FHL1: variants seen among roughly 807,000 people sequenced by gnomAD.
The protein encoded by FHL1 is four and a half LIM domains 1, also known as four and a half LIM domains protein 1.
A neutral mutation model predicts 20.3 loss-of-function variants in FHL1; 1 was observed. The observed-to-expected ratio is 0.05, with a 90% CI of 0.02 to 0.23. The LOEUF is 0.23. Ranked by LOEUF, FHL1 falls within the 10% of genes least tolerant of loss-of-function variation. FHL1 has a pLI of 1.00. For missense variants in FHL1, 177 were observed against 234.0 expected (o/e 0.76, Z 1.59); for synonymous variants, 82 against 88.9 (o/e 0.92, Z 0.44).
chrX:136,163,516 G>A (rs1019386188), intron 1 of FHL1, among the ~76,000 whole-genome samples: 2 of 112,190 alleles, frequency 1.8e-5, no homozygotes, highest in African/African-American at 3.2e-5. Context: ...AAATAGTCTG[G>A]TGTGAAGTGA....
intron 1 of FHL1, among the ~76,000 whole-genome samples, chrX:136,156,356 C>T (rs770093416): frequency 2.7e-4 from 29 of 105,639 alleles, no homozygotes; most frequent in African/African-American, 1.0e-3. Context: ...AATCATGGCT[C>T]ACTACAACCT....
chrX:136,174,606 A>G (rs1479685820), intron 2 of FHL1, among the ~76,000 whole-genome samples: 5 of 111,971 alleles, frequency 4.5e-5, no homozygotes, highest in African/African-American at 6.5e-5. Context: ...GAGAAAGAAA[A>G]AGAGATACGA....
intron 2 of FHL1, among the ~76,000 whole-genome samples, chrX:136,171,344 A>G (rs1297157932): frequency 3.6e-5 from 4 of 112,119 alleles, no homozygotes; most frequent in Non-Finnish European, 5.6e-5. Context: ...CTTTGGCTCA[A>G]GTAGGAGGCT....
intron 2 of FHL1, among the ~76,000 whole-genome samples, chrX:136,177,988 G>A (rs2073049948): frequency 2.7e-5 from 3 of 112,054 alleles, no homozygotes; most frequent in South Asian, 3.7e-4. Context: ...AACCGTGGAC[G>A]TAGAATATTT....
At chrX:136,154,416 C>A (rs1159765717) in intron 1 of FHL1, among the ~76,000 whole-genome samples, 1 of 112,370 alleles carries the variant, frequency 8.9e-6, no homozygotes, top group Admixed American at 9.4e-5. Context: ...TTTTCTCTAG[C>A]CTATGAGGCA....
upstream of FHL1, among the ~76,000 whole-genome samples, chrX:136,192,131 T>C (rs2073443160): frequency 8.9e-6 from 1 of 112,681 alleles, no homozygotes; most frequent in African/African-American, 3.2e-5. Context: ...ATTTATGTTA[T>C]ATATCTCTTT....
chrX:136,189,513 A>G (rs1025598891), intron 2 of FHL1, among the ~76,000 whole-genome samples: 3 of 111,969 alleles, frequency 2.7e-5, no homozygotes, highest in Non-Finnish European at 5.6e-5. Context: ...TAAACTTGAT[A>G]AATTCTATTT....
rs1481485839 is a variant in FHL1 at position 136,210,621 on chromosome X, C to T, written c.*596C>T. Reference sequence around the variant, plus strand: ...TAGCTGTAATTCTAAACTGACCTTTCCCCGTACTAACGTTTGGTTTCCCCG... The same window carrying T: ...TAGCTGTAATTCTAAACTGACCTTTTCCCGTACTAACGTTTGGTTTCCCCG... On this transcript the variant is annotated 3_prime_UTR_variant, in exon 6 of 6. Transcript: ENST00000370683. The T allele has an allele frequency of 2.6e-6, 1 of 390,425 alleles. No individual in the cohort carries two copies. The highest frequency in any genetic ancestry group is 4.8e-6 in the Non-Finnish European group (1 of 207,298). The allele number at this position is 390,425 out of a possible 1,213,427, so 32.2% of individuals were successfully genotyped here.
intron 2 of FHL1, among the ~76,000 whole-genome samples, chrX:136,170,277 G>A (rs1158789844): frequency 8.9e-6 from 1 of 111,862 alleles, no homozygotes; most frequent in African/African-American, 3.3e-5. Context: ...GTCGTTGCAC[G>A]AACAGTAGGG....
At chrX:136,175,698 A>C (rs2072984664) in intron 2 of FHL1, among the ~76,000 whole-genome samples, 2 of 112,400 alleles carry the variant, frequency 1.8e-5, no homozygotes. Context: ...AATATGAAAG[A>C]ATTTGTATAA....
At chrX:136,164,283 T>C (rs1456311809) in intron 1 of FHL1, among the ~76,000 whole-genome samples, 1 of 108,458 alleles carries the variant, frequency 9.2e-6, no homozygotes, top group Non-Finnish European at 1.9e-5. Context: ...CTCGGCTCAC[T>C]GCAACCTCTG....
At chrX:136,173,146 G>T (rs2072917512) in intron 2 of FHL1, among the ~76,000 whole-genome samples, 1 of 112,609 alleles carries the variant, frequency 8.9e-6, no homozygotes. Flanking sequence ...TTAGTTTACA[G>T]AATTATTTGG....
At chrX:136,169,696 C>A in exon 1 of FHL1, 1 of 311,245 alleles carries the variant, frequency 3.2e-6, no homozygotes. Context: ...GATCCACTGC[C>A]AGTGCTCATG....
intron 1 of FHL1, among the ~76,000 whole-genome samples, chrX:136,161,483 A>C (rs1025798653): frequency 1.8e-5 from 2 of 112,123 alleles, no homozygotes; most frequent in Admixed American, 9.5e-5. Flanking sequence ...GTTTTCTGAC[A>C]TACAATTTGA....
chrX:136,184,924 G>C (rs897616820), intron 2 of FHL1, among the ~76,000 whole-genome samples: 2 of 111,853 alleles, frequency 1.8e-5, no homozygotes, highest in African/African-American at 6.5e-5. Context: ...TCATAGATGA[G>C]GAAGAAAAAA....
chrX:136,160,720 G>A (rs1172573553), intron 1 of FHL1, among the ~76,000 whole-genome samples: 1 of 112,028 alleles, frequency 8.9e-6, no homozygotes. Flanking sequence ...GATCTGTTAG[G>A]TGTCCTCATT....
At position 136,207,177 on chromosome X, in the gene FHL1, G is replaced by A; in HGVS notation, c.366G>A (p.Lys122=). 1 of 1,203,997 alleles carries A rather than the reference G, an allele frequency of 8.3e-7. No individual in the cohort carries two copies. The highest frequency in any genetic ancestry group is 3.0e-5 in the East Asian group (1 of 33,635). ...EDSPKCKGCF[K]AIVAGDQNVE... is the part of the protein sequence containing the mutation. ...CCCCCAAGTGCAAGGGGTGCTTCAAGGCCATTGTGGCAGGTACTGCCTCCT... is the reference window on the plus strand; with the variant it reads ...CCCCCAAGTGCAAGGGGTGCTTCAAAGCCATTGTGGCAGGTACTGCCTCCT... The change falls in exon 3 of 6, where the codon AAG becomes AAA. Residue 122 remains lysine (K), a synonymous_variant. Transcript: ENST00000370683.
rs1417156002 is a variant in FHL1, at chrX:136,210,831, A to AATTG, written c.*809_*812dup. The AATTG allele has an allele frequency of 5.2e-6, 2 of 383,430 alleles. No individual in the cohort carries two copies. The highest frequency in any genetic ancestry group is 9.8e-6 in the Non-Finnish European group (2 of 203,993). The allele number at this position is 383,430 out of a possible 1,213,427, so 31.6% of individuals were successfully genotyped here. On this transcript the variant is annotated 3_prime_UTR_variant, in exon 6 of 6. Transcript: ENST00000370683. ...TGTTTTTAATTAATATTTTTGTTTTAATTGATAGCAAAATAGTTTATGGGT... is the reference window on the plus strand; with the variant it reads ...TGTTTTTAATTAATATTTTTGTTTTAATTGATTGATAGCAAAATAGTTTATGGGT...
intron 2 of FHL1, among the ~76,000 whole-genome samples, chrX:136,178,551 G>A (rs1360194909): frequency 1.8e-5 from 2 of 109,734 alleles, no homozygotes; most frequent in African/African-American, 6.6e-5. Context: ...TGCAGAGATC[G>A]CACGACTACA....
Sources: gnomAD v4.1 joint callset for allele counts (sites outside exome capture counted in the v4.1 genomes callset) on GRCh38, gnomAD v4.1.1 for gene constraint, MANE v1.5 for transcripts, NCBI Gene and HGNC (gene_info 2026-07-23, HGNC 2026-07-21) for gene names.